CDCA2: variants seen among roughly 807,000 people sequenced by gnomAD.
The protein encoded by CDCA2 is cell division cycle associated 2.
A neutral mutation model predicts 67.0 loss-of-function variants in CDCA2; 44 were observed. The observed-to-expected ratio is 0.66, with a 90% confidence interval of 0.52 to 0.84. The LOEUF is 0.84. CDCA2 is among the 40% of genes least tolerant of loss of function. The probability of loss-of-function intolerance (pLI) is 0.00; values close to 1 mark genes in which losing one functional copy is unlikely to be tolerated. For missense variants in CDCA2, 1,253 were observed against 1,203.2 expected (o/e 1.04, Z -0.61); for synonymous variants, 447 against 418.7 (o/e 1.07, Z -0.82).
At chr8:25,499,132 A>G (rs1243488078) in intron 13 of CDCA2, among the ~76,000 whole-genome samples, 4 of 151,954 alleles carry the variant, frequency 2.6e-5, no homozygotes, top group Non-Finnish European at 5.9e-5. Flanking sequence ...TCCATAATCA[A>G]AAGTTAAAAA....
At chr8:25,498,463 C>CCCA (rs71214578) in intron 13 of CDCA2, among the ~76,000 whole-genome samples, 7 of 125,882 alleles carry the variant, frequency 5.6e-5, no homozygotes, top group South Asian at 3.5e-4. Context: ...ACCCCCCCCC[C>CCCA]GCCCCCCAGG....
chr8:25,506,127 C>G (rs958756431), intron 14 of CDCA2, among the ~76,000 whole-genome samples: 1 of 152,154 alleles, frequency 6.6e-6, no homozygotes. Context: ...TAGAAAGTTT[C>G]AGAAGCATAA....
At chr8:25,495,865 A>C (rs1804202739) in intron 13 of CDCA2, among the ~76,000 whole-genome samples, 1 of 152,250 alleles carries the variant, frequency 6.6e-6, no homozygotes, top group African/African-American at 2.4e-5. Context: ...ACTCAGAGAC[A>C]AAAGATATAT....
chr8:25,506,763 A>G lies in CDCA2; in HGVS notation c.2097A>G (p.Glu699=), dbSNP rs1303667091. 6.2e-7 allele frequency: 1 copy of G among 1,613,624 alleles called. No individual in the cohort carries two copies. The highest frequency in any genetic ancestry group is 1.3e-5 in the African/African-American group (1 of 75,032). Residue 699 remains glutamate (E), a synonymous_variant, in exon 15 of 15, where the codon GAA becomes GAG. Coordinates refer to ENST00000330560, the MANE Select transcript of CDCA2 (RefSeq NM_152562.4). ...KNIPKAKNKS[E]SENEPKAGTD... is the part of the protein sequence containing the mutation. The stretch of plus-strand genomic sequence containing the variant: ...TTCCAAAAGCAAAAAATAAGTCAGA[A>G]AGTGAAAATGAACCAAAAGCTGGAA...
intron 11 of CDCA2, 146 bp downstream of exon 11, chr8:25,485,983 A>T (rs987781404): frequency 6.3e-5 from 31 of 492,468 alleles, no homozygotes; most frequent in Non-Finnish European, 1.0e-4. Context: ...GGAAGCTGAC[A>T]TGAAGCTATT....
chr8:25,501,092 A>G (rs1472108962), intron 13 of CDCA2, among the ~76,000 whole-genome samples: 1 of 152,210 alleles, frequency 6.6e-6, no homozygotes, highest in Non-Finnish European at 1.5e-5. Flanking sequence ...ATGTTCCATG[A>G]AAAAAATATT....
chr8:25,492,136 G>A (rs1379622722), intron 13 of CDCA2, among the ~76,000 whole-genome samples: 6 of 150,812 alleles, frequency 4.0e-5, no homozygotes, highest in South Asian at 2.1e-4. Context: ...CGGGGGGTTG[G>A]GGGGTCTCAC....
intron 12 of CDCA2, among the ~76,000 whole-genome samples, chr8:25,487,625 C>A (rs1018462638): frequency 1.3e-5 from 2 of 152,090 alleles, no homozygotes; most frequent in African/African-American, 4.8e-5. Flanking sequence ...CGCCTGTAGT[C>A]CCAGCTACTA....
At chr8:25,474,102 AT>A (rs1273039481) in intron 7 of CDCA2, among the ~76,000 whole-genome samples, 1 of 152,172 alleles carries the variant, frequency 6.6e-6, no homozygotes, top group African/African-American at 2.4e-5. Flanking sequence ...TATCACATAG[AT>A]TTGCATATGT....
Position 25,480,801 on chromosome 8 carries a change from G to C in CDCA2, c.1032+677G>C, listed in dbSNP as rs143004877. 1.7e-3 allele frequency among the ~76,000 whole-genome samples: 259 copies of C among 152,300 alleles called. 1 individual carries two copies. The highest frequency in any genetic ancestry group is 5.9e-3 in the African/African-American group (246 of 41,578). ...CTAGCCTCAGGAGTCAAAATGCCAA[G>C]TTTCAGATCTTGACTTGGAAATGTA... On this transcript the variant is annotated intron_variant, in intron 8 of 14. Coordinates refer to ENST00000330560, the MANE Select transcript of CDCA2 (RefSeq NM_152562.4).
At chr8:25,488,874 A>G (rs1340412759) in intron 13 of CDCA2, among the ~76,000 whole-genome samples, 185 bp downstream of exon 13, 1 of 152,128 alleles carries the variant, frequency 6.6e-6, no homozygotes, top group Non-Finnish European at 1.5e-5. Context: ...CCTAAGGAAC[A>G]CTTTTGCGTC....
At chr8:25,502,769 T>G (rs1804528113) in intron 13 of CDCA2, among the ~76,000 whole-genome samples, 1 of 152,058 alleles carries the variant, frequency 6.6e-6, no homozygotes. Flanking sequence ...TCTTATATAT[T>G]TTTTCATTTA....
At chr8:25,478,097 T>C (rs1177680770) in intron 7 of CDCA2, among the ~76,000 whole-genome samples, 1 of 151,832 alleles carries the variant, frequency 6.6e-6, no homozygotes, top group African/African-American at 2.4e-5. Flanking sequence ...CAGCTAATTT[T>C]TTTTTTTGGT....
chr8:25,474,250 A>C (rs921371132), intron 7 of CDCA2, among the ~76,000 whole-genome samples: 2 of 152,138 alleles, frequency 1.3e-5, no homozygotes, highest in Non-Finnish European at 2.9e-5. Context: ...TTGGTGTATA[A>C]TTTTCTTATA....
intron 13 of CDCA2, among the ~76,000 whole-genome samples, chr8:25,497,100 T>C (rs1804253527): frequency 6.6e-6 from 1 of 152,104 alleles, no homozygotes; most frequent in African/African-American, 2.4e-5. Flanking sequence ...CCCAAGTGCT[T>C]TTTTTCCCCT....
intron 13 of CDCA2, among the ~76,000 whole-genome samples, chr8:25,501,410 C>T (rs906698322): frequency 4.6e-5 from 7 of 152,312 alleles, no homozygotes; most frequent in Non-Finnish European, 7.3e-5. Flanking sequence ...TTGACACTCT[C>T]GAAGTCACCA....
intron 3 of CDCA2, among the ~76,000 whole-genome samples, chr8:25,461,608 A>G (rs965223812): frequency 6.6e-6 from 1 of 152,234 alleles, no homozygotes; most frequent in African/African-American, 2.4e-5. Flanking sequence ...TGCTGATGGT[A>G]GGTATCAGAA....
At position 25,468,222 on chromosome 8, in the gene CDCA2, A is replaced by G; in HGVS notation, c.544A>G (p.Lys182Glu). ...KESEMTDLTR[K>E]EGLSACQQSG... The stretch of plus-strand genomic sequence containing the variant: ...TTTTTATTTTGTGTTTATAGCCAGA[A>G]AGGAAGGTCTCAGCGCTTGCCAGCA... The change falls in exon 6 of 15, where the codon AAG (lysine) becomes GAG (glutamate). Residue 182 changes from lysine (K) to glutamate (E), a missense_variant. Coordinates refer to ENST00000330560, the MANE Select transcript of CDCA2 (RefSeq NM_152562.4). 1.3e-6 allele frequency: 2 copies of G among 1,570,160 alleles called. No individual in the cohort carries two copies. The highest frequency in any genetic ancestry group is 1.7e-6 in the Non-Finnish European group (2 of 1,156,314).
intron 13 of CDCA2, among the ~76,000 whole-genome samples, chr8:25,498,202 CATTTT>C (rs1465842070): frequency 1.3e-5 from 2 of 151,872 alleles, no homozygotes; most frequent in Non-Finnish European, 2.9e-5. Flanking sequence ...TGTTGAATTA[CATTTT>C]GTTTTGTTTT....
Sources: allele counts gnomAD v4.1 joint callset (sites outside exome capture counted in the v4.1 genomes callset), GRCh38; gene constraint gnomAD v4.1.1; transcripts MANE v1.5; gene names NCBI Gene and HGNC (gene_info 2026-07-23, HGNC 2026-07-21).